Variants in NPAP1 observed in about 807,000 individuals in gnomAD.
The protein encoded by NPAP1 is nuclear pore associated protein 1.
For synonymous variants in NPAP1, 616 were observed against 581.4 expected, an observed-to-expected ratio of 1.06 and a Z score of -0.86; for missense variants, 1,483 against 1,454.5, an observed-to-expected ratio of 1.02 and a Z score of -0.32.
rs745647193 is a variant in NPAP1, at chr15:24,677,202, C to T, written c.1335C>T (p.Ser445=). Residue 445 remains serine, a synonymous_variant, in exon 1 of 1, where the codon TCC becomes TCT. Coordinates refer to ENST00000329468, the MANE Select transcript of NPAP1 (RefSeq NM_018958.3). ...GPLILPIPPL[S]TTPKMDEKIA... is the part of the protein sequence containing the mutation. ...TCATCCTGCCTATCCCTCCACTTTC[C>T]ACCACACCAAAAATGGATGAGAAAA... The T allele has an allele frequency of 5.6e-6, 9 of 1,613,972 alleles. No homozygotes were observed. Among genetic ancestry groups the T allele is most frequent in the Non-Finnish European group, 7.6e-6 (9 of 1,180,030 alleles).
rs2048984933 is a variant in NPAP1 at position 24,677,508 on chromosome 15, T to C, written c.1641T>C (p.Pro547=). 24 of 1,614,138 alleles carry C rather than the reference T, an allele frequency of 1.5e-5. No individual in the cohort carries two copies. Among genetic ancestry groups the C allele is most frequent in the Non-Finnish European group, 2.0e-5 (24 of 1,180,032 alleles). Residue 547 remains proline (P), a synonymous_variant, in exon 1 of 1, where the codon CCT becomes CCC. Transcript: ENST00000329468. ...GGACCTCAGTTATCACCAGCAAGCC[T>C]ATGAATTCCACGTCAGTCATTTCCA... ...STGTSVITSK[P]MNSTSVISTV...
At position 24,676,649 on chromosome 15, in the gene NPAP1, C is replaced by T. The variant is rs1170974294; in HGVS notation, c.782C>T (p.Ala261Val). 4 of 1,613,904 alleles carry T rather than the reference C, an allele frequency of 2.5e-6. No individual in the cohort carries two copies. Among genetic ancestry groups the T allele is most frequent in the Non-Finnish European group, 3.4e-6 (4 of 1,180,024 alleles). Reference protein sequence around the residue: ...HLGKPDPDATAPPEPAVGCSL... With the variant: ...HLGKPDPDATVPPEPAVGCSL... ...GGAAAGCCTGATCCGGATGCAACAG[C>T]GCCCCCTGAGCCAGCCGTTGGCTGC... Residue 261 changes from alanine to valine, a missense_variant, in exon 1 of 1, where the codon GCG becomes GTG. Transcript: ENST00000329468.
chr15:24,680,824 G>A lies in NPAP1; in HGVS notation c.*1486G>A, dbSNP rs2049012528. ...GACCCTATATTCTAGTTGAAGGGGA[G>A]AAAAGAAGCAAAAACATGGAAATTA... On this transcript the variant is annotated 3_prime_UTR_variant, in exon 1 of 1. Transcript: ENST00000329468. 6.0e-6 allele frequency: 1 copy of A among 166,856 alleles called. No individual in the cohort carries two copies. Among genetic ancestry groups the A allele is most frequent in the Non-Finnish European group, 1.5e-5 (1 of 68,114 alleles). The allele number at this position is 166,856 out of a possible 1,614,324, so 10.3% of individuals were successfully genotyped here.
rs759520625 is a variant in NPAP1 at position 24,675,943 on chromosome 15, G to A, written c.76G>A (p.Ala26Thr). ...GCCAGGGCCAGGGCGTGGCGCCCCC[G>A]CTCCCCTGTCCCGGGACGCCTCCCC... Reference protein sequence around the residue: ...PLPGPGRGAPAPLSRDASPPG... With the variant: ...PLPGPGRGAPTPLSRDASPPG... The change falls in exon 1 of 1, where the codon GCT becomes ACT. Residue 26 changes from alanine (A) to threonine (T), a missense_variant. Ala to Thr is a moderately conservative substitution (Grantham distance 58). Coordinates refer to ENST00000329468, the MANE Select transcript of NPAP1 (RefSeq NM_018958.3). 5.0e-6 allele frequency: 8 copies of A among 1,584,722 alleles called. No individual in the cohort carries two copies. The highest frequency in any genetic ancestry group is 1.4e-5 in the African/African-American group (1 of 72,542).
Position 24,676,755 on chromosome 15 carries a change from G to A in NPAP1, c.888G>A (p.Leu296=), listed in dbSNP as rs1218280651. 6.2e-7 allele frequency: 1 copy of A among 1,613,900 alleles called. No individual in the cohort carries two copies. Among genetic ancestry groups the A allele is most frequent in the South Asian group, 1.1e-5 (1 of 91,076 alleles). ...GCTCCCTAGGCTTGCCGATTCCGCT[G>A]ATGTCCGGAAAGAGGATGCCTGATG... ...PPSSLGLPIP[L]MSGKRMPDEK... Residue 296 remains leucine, a synonymous_variant, in exon 1 of 1, where the codon CTG becomes CTA. Transcript: ENST00000329468.
chr15:24,679,603 G>A lies in NPAP1; in HGVS notation c.*265G>A. On this transcript the variant is annotated 3_prime_UTR_variant, in exon 1 of 1. Coordinates refer to ENST00000329468, the MANE Select transcript of NPAP1 (RefSeq NM_018958.3). ...CATATCTTTAATTAGAGGCCCTTGT[G>A]TATCCACCTACCAACAAAGTACCTA... The A allele has an allele frequency of 2.1e-6, 1 of 472,596 alleles. No individual in the cohort carries two copies. Among genetic ancestry groups the A allele is most frequent in the Non-Finnish European group, 3.9e-6 (1 of 253,762 alleles). 29.3% of individuals were successfully genotyped at this position (472,596 alleles called of 1,614,324 possible). A position where few individuals can be genotyped will look rare whatever the true frequency, so the allele number is the denominator to read the frequency against.
At position 24,677,945 on chromosome 15, in the gene NPAP1, C is replaced by T. The variant is rs144445294; in HGVS notation, c.2078C>T (p.Pro693Leu). Residue 693 changes from proline to leucine, a missense_variant, in exon 1 of 1, where the codon CCT (proline) becomes CTT (leucine). Coordinates refer to ENST00000329468, the MANE Select transcript of NPAP1 (RefSeq NM_018958.3). ...GCCTCTACAGCATCATCATCCAAAC[C>T]TCCCATTGAAACCAATGCTATGCAT... ...NSASTASSSK[P>L]PIETNAMHTT... is the part of the protein sequence containing the mutation. The T allele has an allele frequency of 3.5e-4, 557 of 1,613,620 alleles. 2 individuals carry two copies. The African/African-American group carries it at 6.6e-3, about 19-fold the overall frequency.
chr15:24,678,550 T>G lies in NPAP1; in HGVS notation c.2683T>G (p.Ser895Ala), dbSNP rs2141312873. ...TTSSHPLNTG[S>A]ISHSTLGATD... is the part of the protein sequence containing the mutation. Reference sequence around the variant, plus strand: ...TTCCAGCCATCCTTTAAATACAGGATCCATCTCTCATTCCACACTTGGGGC... The same window carrying G: ...TTCCAGCCATCCTTTAAATACAGGAGCCATCTCTCATTCCACACTTGGGGC... Residue 895 changes from serine (S) to alanine (A), a missense_variant, in exon 1 of 1, where the codon TCC becomes GCC. Transcript: ENST00000329468. The G allele has an allele frequency of 6.2e-7, 1 of 1,614,058 alleles. No homozygotes were observed. The highest frequency in any genetic ancestry group is 8.5e-7 in the Non-Finnish European group (1 of 1,180,014).
rs1250598804 is a variant in NPAP1, at chr15:24,678,173, C to A, written c.2306C>A (p.Thr769Asn). ...AACCATCCTTTAAATCCAGGAGCCA[C>A]CCCTCAACCCAAATTTGGGGCCCCT... is the stretch of plus-strand genomic sequence containing the variant. ...ASNHPLNPGATPQPKFGAPDG... is the reference protein window; with the variant it reads ...ASNHPLNPGANPQPKFGAPDG... The change falls in exon 1 of 1, where the codon ACC (threonine) becomes AAC (asparagine). Residue 769 changes from threonine to asparagine, a missense_variant. Coordinates refer to ENST00000329468, the MANE Select transcript of NPAP1 (RefSeq NM_018958.3). 1 of 1,613,540 alleles carries A rather than the reference C, an allele frequency of 6.2e-7. No individual in the cohort carries two copies. Among genetic ancestry groups the A allele is most frequent in the East Asian group, 2.2e-5 (1 of 44,782 alleles).
Position 24,676,761 on chromosome 15 carries a change from C to T in NPAP1, c.894C>T (p.Ser298=), listed in dbSNP as rs570658123. The change falls in exon 1 of 1, where the codon TCC becomes TCT. Residue 298 remains serine, a synonymous_variant. Coordinates refer to ENST00000329468, the MANE Select transcript of NPAP1 (RefSeq NM_018958.3). ...TAGGCTTGCCGATTCCGCTGATGTCCGGAAAGAGGATGCCTGATGAGAAGC... is the reference window on the plus strand; with the variant it reads ...TAGGCTTGCCGATTCCGCTGATGTCTGGAAAGAGGATGCCTGATGAGAAGC... The part of the protein sequence containing the change: ...SSLGLPIPLM[S]GKRMPDEKPF... The T allele has an allele frequency of 3.1e-6, 5 of 1,613,828 alleles. No individual in the cohort carries two copies. The highest frequency in any genetic ancestry group is 4.2e-6 in the Non-Finnish European group (5 of 1,180,014).
At position 24,679,096 on chromosome 15, in the gene NPAP1, C is replaced by A. The variant is rs751116914; in HGVS notation, c.3229C>A (p.Pro1077Thr). ...TGCACCACAAGGGGCTAGCAACATT[C>A]CTGTATTTGGATATACTTCTGCTGC... is the stretch of plus-strand genomic sequence containing the variant. ...AAAPQGASNI[P>T]VFGYTSAAAY... The change falls in exon 1 of 1, where the codon CCT becomes ACT. Residue 1077 changes from proline (P) to threonine (T), a missense_variant. Physicochemically the swap from Pro to Thr is conservative, Grantham distance 38. Coordinates refer to ENST00000329468, the MANE Select transcript of NPAP1 (RefSeq NM_018958.3). 1 of 1,614,220 alleles carries A rather than the reference C, an allele frequency of 6.2e-7. No homozygotes were observed. The highest frequency in any genetic ancestry group is 1.7e-5 in the Admixed American group (1 of 60,026).
At position 24,678,794 on chromosome 15, in the gene NPAP1, C is replaced by T. The variant is rs761436750; in HGVS notation, c.2927C>T (p.Thr976Ile). Residue 976 changes from threonine (T) to isoleucine (I), a missense_variant, in exon 1 of 1, where the codon ACA (threonine) becomes ATA (isoleucine). Transcript: ENST00000329468. Reference sequence around the variant, plus strand: ...AATGCAAGTGCTTTCCCCAATGGCACAGCAAAGACTTCTGGATTTAGAATT... The same window carrying T: ...AATGCAAGTGCTTTCCCCAATGGCATAGCAAAGACTTCTGGATTTAGAATT... The part of the protein sequence containing the change: ...GHNASAFPNG[T>I]AKTSGFRIAT... 2.5e-6 allele frequency: 4 copies of T among 1,614,066 alleles called. No individual in the cohort carries two copies. Among genetic ancestry groups the T allele is most frequent in the Admixed American group, 3.3e-5 (2 of 59,996 alleles).
Position 24,676,800 on chromosome 15 carries a change from T to C in NPAP1, c.933T>C (p.Pro311=), listed in dbSNP as rs534841149. ...CTGATGAGAAGCCTTTCTGTATTCCTCCAAGGAGCGCTGCTCCTCCCAGAG... is the reference window on the plus strand; with the variant it reads ...CTGATGAGAAGCCTTTCTGTATTCCCCCAAGGAGCGCTGCTCCTCCCAGAG... The part of the protein sequence containing the change: ...RMPDEKPFCI[P]PRSAAPPRAA... Residue 311 remains proline (P), a synonymous_variant, in exon 1 of 1, where the codon CCT becomes CCC. Transcript: ENST00000329468. 1.9e-6 allele frequency: 3 copies of C among 1,613,234 alleles called. No homozygotes were observed. The South Asian group carries it at 3.3e-5, about 18-fold the overall frequency.
In NPAP1 at chr15:24,677,482, G is replaced by A. The variant is rs72691546; in HGVS notation, c.1615G>A (p.Gly539Arg). The A allele has an allele frequency of 2.9e-4, 463 of 1,613,906 alleles. No homozygotes were observed. The highest frequency in any genetic ancestry group is 2.2e-3 in the African/African-American group (168 of 74,954). ...FLTLLPVPST[G>R]TSVITSKPMN... The stretch of plus-strand genomic sequence containing the variant: ...GACTCTTCTTCCAGTCCCTTCCACC[G>A]GGACCTCAGTTATCACCAGCAAGCC... Residue 539 changes from glycine to arginine, a missense_variant, in exon 1 of 1, where the codon GGG (glycine) becomes AGG (arginine). Transcript: ENST00000329468.
chr15:24,681,816 T>TAGATAGATAGATA lies in NPAP1; in HGVS notation c.*2478_*2479insAGATAGATAGATA, dbSNP rs1555368450. The TAGATAGATAGATA allele has an allele frequency of 6.1e-6, 1 of 164,848 alleles. No individual in the cohort carries two copies. The highest frequency in any genetic ancestry group is 6.6e-5 in the Admixed American group (1 of 15,082). 10.2% of individuals were successfully genotyped at this position (164,848 alleles called of 1,614,324 possible). On this transcript the variant is annotated 3_prime_UTR_variant, in exon 1 of 1. Transcript: ENST00000329468. ...TACATAGATAGATGATAGAGATAGA[T>TAGATAGATAGATA]GATAGATAGATAGATAGATAGATAG...
rs12902137 is a variant in NPAP1 at position 24,679,516 on chromosome 15, T to C, written c.*178T>C. ...ACAACATCCCTGTGCTCCCTTTCTCTGTCAGTACACATGGGTCCCACCTGG... is the reference window on the plus strand; with the variant it reads ...ACAACATCCCTGTGCTCCCTTTCTCCGTCAGTACACATGGGTCCCACCTGG... On this transcript the variant is annotated 3_prime_UTR_variant, in exon 1 of 1. Coordinates refer to ENST00000329468, the MANE Select transcript of NPAP1 (RefSeq NM_018958.3). 0.27 allele frequency: 166,238 copies of C among 618,436 alleles called. 22,559 individuals are homozygous for C. Among genetic ancestry groups the C allele is most frequent in the East Asian group, 0.28 (10,251 of 36,098 alleles). 38.3% of individuals were successfully genotyped at this position (618,436 alleles called of 1,614,324 possible).
Sources: gnomAD v4.1 joint callset for allele counts on GRCh38, gnomAD v4.1.1 for gene constraint, MANE v1.5 for transcripts, NCBI Gene and HGNC (gene_info 2026-07-23, HGNC 2026-07-21) for gene names.